The following IGFBP7 variants were observed in gnomAD, a reference collection of about 807,000 sequenced individuals.
The protein encoded by IGFBP7 is insulin like growth factor binding protein 7.
In IGFBP7, 31 loss-of-function variants were observed where a neutral mutation model predicts 29.4. The ratio of observed to expected loss-of-function variants is 1.05; its 90% confidence interval spans 0.79 to 1.42. The LOEUF (loss-of-function observed/expected upper bound fraction) is 1.42, where lower values mean the gene tolerates loss of function less well. Among genes scored for constraint, IGFBP7 ranks in the 40% most tolerant of loss-of-function variants. The pLI is 0.00. For synonymous variants in IGFBP7, 172 were observed against 174.9 expected (o/e 0.98, Z 0.13); for missense variants, 393 against 395.5 (o/e 0.99, Z 0.05).
At chr4:57,035,251 A>G (rs59718344) in intron 2 of IGFBP7, among the ~76,000 whole-genome samples, 1,601 of 152,358 alleles carry the variant, frequency 0.011, 23 homozygotes, top group African/African-American at 0.037. Context: ...TATTTAACAT[A>G]AATCACAATA....
chr4:57,104,470 C>A (rs956459687), intron 1 of IGFBP7, among the ~76,000 whole-genome samples: 5 of 152,182 alleles, frequency 3.3e-5, no homozygotes, highest in Non-Finnish European at 7.3e-5. Flanking sequence ...AGACAATTAA[C>A]AACTTCATTT....
intron 1 of IGFBP7, among the ~76,000 whole-genome samples, chr4:57,084,218 G>A (rs1268614470): frequency 6.6e-6 from 1 of 152,108 alleles, no homozygotes; most frequent in Non-Finnish European, 1.5e-5. Context: ...CAGATTATCA[G>A]GGAGTATCAC....
chr4:57,056,720 G>A (rs535043583), intron 1 of IGFBP7, among the ~76,000 whole-genome samples: 43 of 152,324 alleles, frequency 2.8e-4, no homozygotes, highest in Non-Finnish European at 4.7e-4. Flanking sequence ...TGTGAGCTGT[G>A]AGAAATGGGA....
intron 2 of IGFBP7, among the ~76,000 whole-genome samples, chr4:57,038,258 AGAAGG>A (rs1461144892): frequency 3.5e-4 from 53 of 152,236 alleles, no homozygotes; most frequent in African/African-American, 1.2e-3. Flanking sequence ...TGCAGCAGGG[AGAAGG>A]GAAGCCCTTT....
chr4:57,051,311 G>A (rs1724497717), intron 1 of IGFBP7, among the ~76,000 whole-genome samples: 1 of 152,204 alleles, frequency 6.6e-6, no homozygotes, highest in Non-Finnish European at 1.5e-5. Flanking sequence ...TGTAGCAGCT[G>A]AACCCTGGTA....
intron 1 of IGFBP7, among the ~76,000 whole-genome samples, chr4:57,107,547 C>A (rs915550025): frequency 6.6e-6 from 1 of 152,148 alleles, no homozygotes; most frequent in Admixed American, 6.6e-5. Flanking sequence ...AGGGATCAGT[C>A]TATTGTCTCT....
At chr4:57,094,786 C>T (rs973624136) in intron 1 of IGFBP7, among the ~76,000 whole-genome samples, 2 of 152,214 alleles carry the variant, frequency 1.3e-5, no homozygotes, top group Non-Finnish European at 2.9e-5. Flanking sequence ...CATTTCCAAA[C>T]ACTGTCAATC....
intron 1 of IGFBP7, among the ~76,000 whole-genome samples, chr4:57,069,119 G>T (rs1724994719): frequency 6.6e-6 from 1 of 152,160 alleles, no homozygotes; most frequent in Non-Finnish European, 1.5e-5. Context: ...CTCCTTCTAG[G>T]GGTGTTTTTA....
chr4:57,092,226 C>A (rs1180995772), intron 1 of IGFBP7, among the ~76,000 whole-genome samples: 1 of 152,116 alleles, frequency 6.6e-6, no homozygotes, highest in Admixed American at 6.5e-5. Context: ...AACCTCAATT[C>A]AATTATGTAC....
chr4:57,044,497 A>AT (rs1724311493), intron 1 of IGFBP7, among the ~76,000 whole-genome samples: 1 of 152,142 alleles, frequency 6.6e-6, no homozygotes, highest in African/African-American at 2.4e-5. Flanking sequence ...TTCACATTTA[A>AT]GTTTTTGCTC....
Position 57,049,719 on chromosome 4 carries a change from G to A in IGFBP7, c.476-8786C>T, listed in dbSNP as rs1005753963. On this transcript the variant is annotated intron_variant, in intron 1 of 4. Coordinates refer to ENST00000295666, the MANE Select transcript of IGFBP7 (RefSeq NM_001553.3). ...TGCTTTCCTTAGCTGGCCTAATTGA[G>A]GATGCCAGCATCCTGTCGGAATCAG... is the stretch of plus-strand genomic sequence containing the variant. Among the ~76,000 whole-genome samples, 38 of 152,202 alleles carry A rather than the reference G, an allele frequency of 2.5e-4. 1 individual carries two copies. The highest frequency in any genetic ancestry group is 7.9e-4 in the African/African-American group (33 of 41,532).
chr4:57,077,147 C>T (rs1029575747), intron 1 of IGFBP7, among the ~76,000 whole-genome samples: 2 of 152,036 alleles, frequency 1.3e-5, no homozygotes, highest in African/African-American at 4.8e-5. Context: ...AAATATGGTG[C>T]TCTGCGTTTA....
At chr4:57,099,975 G>GATCC (rs1331340853) in intron 1 of IGFBP7, among the ~76,000 whole-genome samples, 1 of 152,000 alleles carries the variant, frequency 6.6e-6, no homozygotes. Flanking sequence ...GGTCTCAAGG[G>GATCC]ATCCTCTGCA....
chr4:57,032,103 TAGTCAC>T (rs1229958109), intron 4 of IGFBP7: 1 of 251,936 alleles, frequency 4.0e-6, no homozygotes, highest in East Asian at 9.9e-5. Context: ...AGGAATTTAA[TAGTCAC>T]AACACAAAGG....
At chr4:57,108,118 A>T (rs4865185) in intron 1 of IGFBP7, among the ~76,000 whole-genome samples, 149,502 of 152,376 alleles carry the variant, frequency 0.98, 73,399 homozygotes, top group East Asian at 1. Context: ...ATCCAAAGTA[A>T]CAAATAACTG....
intron 1 of IGFBP7, among the ~76,000 whole-genome samples, chr4:57,093,010 G>GA (rs1227047591): frequency 1.3e-5 from 2 of 151,886 alleles, no homozygotes; most frequent in Admixed American, 6.6e-5. Flanking sequence ...TATGAGCCTA[G>GA]AAAAAAACTA....
chr4:57,038,465 T>G (rs1470284998), intron 2 of IGFBP7, among the ~76,000 whole-genome samples: 3 of 152,142 alleles, frequency 2.0e-5, no homozygotes, highest in African/African-American at 7.2e-5. Context: ...CCGCTTTTTG[T>G]TTTGCCTAGG....
intron 1 of IGFBP7, among the ~76,000 whole-genome samples, chr4:57,105,763 GAATA>G (rs1476505678): frequency 6.6e-6 from 1 of 152,122 alleles, no homozygotes; most frequent in Non-Finnish European, 1.5e-5. Context: ...AGTACACGTG[GAATA>G]AATATTAGTT....
At chr4:57,057,755 G>A (rs1724708338) in intron 1 of IGFBP7, among the ~76,000 whole-genome samples, 1 of 152,138 alleles carries the variant, frequency 6.6e-6, no homozygotes, top group South Asian at 2.1e-4. Context: ...CTTGGCTAAG[G>A]CAGCAGACTT....
Sources: allele counts gnomAD v4.1 joint callset (sites outside exome capture counted in the v4.1 genomes callset), GRCh38; gene constraint gnomAD v4.1.1; transcripts MANE v1.5; gene names NCBI Gene and HGNC (gene_info 2026-07-23, HGNC 2026-07-21).